The following CTNNA3 variants were observed in gnomAD, a reference collection of about 807,000 sequenced individuals.
The protein encoded by CTNNA3 is catenin alpha-3.
CTNNA3 carries 76 observed loss-of-function variants against 95.7 expected under a neutral mutation model. The ratio of observed to expected loss-of-function variants is 0.79; its 90% CI spans 0.66 to 0.96. CTNNA3 has a LOEUF of 0.96. Among genes scored for constraint, CTNNA3 ranks in the 40% least tolerant of loss-of-function variants. The probability of loss-of-function intolerance (pLI) is 0.00; values close to 1 mark genes in which losing one functional copy is unlikely to be tolerated. For synonymous variants in CTNNA3, 431 were observed against 374.4 expected, an observed-to-expected ratio of 1.15 and a Z score of -1.74; for missense variants, 1,191 against 1,089.8, an observed-to-expected ratio of 1.09 and a Z score of -1.31.
intron 11 of CTNNA3, among the ~76,000 whole-genome samples, chr10:66,403,745 G>T (rs941948316): frequency 6.6e-6 from 1 of 152,166 alleles, no homozygotes; most frequent in African/African-American, 2.4e-5. Context: ...TTAATAAACT[G>T]CCCTTGCAAA....
chr10:67,215,039 T>C (rs1293022714), intron 6 of CTNNA3, among the ~76,000 whole-genome samples: 7 of 151,994 alleles, frequency 4.6e-5, no homozygotes, highest in Non-Finnish European at 8.8e-5. Flanking sequence ...GAATTGTATA[T>C]TATAATATTT....
chr10:66,917,298 G>C (rs1326725959), intron 7 of CTNNA3, among the ~76,000 whole-genome samples: 1 of 152,206 alleles, frequency 6.6e-6, no homozygotes. Flanking sequence ...GGGCTCTGCT[G>C]TTAGTTGCAA....
chr10:66,015,120 T>TAATAA (rs991940248), intron 15 of CTNNA3, among the ~76,000 whole-genome samples: 3 of 151,356 alleles, frequency 2.0e-5, no homozygotes, highest in Middle Eastern at 3.4e-3. Context: ...ATAATAATAA[T>TAATAA]AATAAAATAA....
intron 9 of CTNNA3, among the ~76,000 whole-genome samples, chr10:66,719,778 T>C (rs10997356): frequency 0.024 from 3,638 of 152,178 alleles, 183 homozygotes; most frequent in East Asian, 0.22. Flanking sequence ...TCTTCTTGAG[T>C]TGGCAGAGAG....
chr10:66,912,553 A>G (rs1846266520), intron 7 of CTNNA3, among the ~76,000 whole-genome samples: 1 of 152,192 alleles, frequency 6.6e-6, no homozygotes, highest in South Asian at 2.1e-4. Context: ...AATAAATACA[A>G]AGTATAAGAT....
At chr10:66,884,434 C>G (rs1844964253) in intron 7 of CTNNA3, among the ~76,000 whole-genome samples, 1 of 152,118 alleles carries the variant, frequency 6.6e-6, no homozygotes, top group Admixed American at 6.6e-5. Flanking sequence ...GTATCACTCA[C>G]TCTGGGAAAA....
At chr10:66,433,093 G>C (rs1441572875) in intron 11 of CTNNA3, among the ~76,000 whole-genome samples, 2 of 152,128 alleles carry the variant, frequency 1.3e-5, no homozygotes, top group Non-Finnish European at 2.9e-5. Flanking sequence ...ATTGTGAATA[G>C]TACTGCAATA....
At chr10:66,574,362 C>G (rs1276140291) in intron 10 of CTNNA3, among the ~76,000 whole-genome samples, 1 of 151,788 alleles carries the variant, frequency 6.6e-6, no homozygotes, top group Admixed American at 6.6e-5. Context: ...GAAAGGTGAG[C>G]AAAGGTTCTA....
intron 5 of CTNNA3, among the ~76,000 whole-genome samples, chr10:67,382,648 G>A (rs4633336): frequency 0.89 from 135,111 of 152,110 alleles, 61,121 homozygotes; most frequent in East Asian, 1. Flanking sequence ...TCCCTGTGTT[G>A]GTCCATTTGC....
intron 5 of CTNNA3, among the ~76,000 whole-genome samples, chr10:67,281,268 A>C (rs1273130386): frequency 6.6e-6 from 1 of 152,232 alleles, no homozygotes; most frequent in Non-Finnish European, 1.5e-5. Flanking sequence ...TTTTCTAACA[A>C]AAATGTTCAC....
intron 1 of CTNNA3, among the ~76,000 whole-genome samples, chr10:67,662,252 G>T (rs1040623724): frequency 6.6e-6 from 1 of 152,120 alleles, no homozygotes; most frequent in African/African-American, 2.4e-5. Context: ...ATTAGGCACA[G>T]TAAGAGATTA....
chr10:66,623,076 A>G (rs1056453561), intron 9 of CTNNA3, among the ~76,000 whole-genome samples: 4 of 152,046 alleles, frequency 2.6e-5, no homozygotes, highest in African/African-American at 9.7e-5. Context: ...TCTGACACAT[A>G]ATTAGCACAT....
chr10:67,097,777 A>G (rs1284677852), intron 7 of CTNNA3: 1 of 1,612,240 alleles, frequency 6.2e-7, no homozygotes, highest in African/African-American at 1.3e-5. Flanking sequence ...ATCAGTGACC[A>G]TAAACAGCAG....
At chr10:67,269,378 T>C (rs1429610795) in intron 5 of CTNNA3, among the ~76,000 whole-genome samples, 1 of 152,158 alleles carries the variant, frequency 6.6e-6, no homozygotes, top group Non-Finnish European at 1.5e-5. Flanking sequence ...TCTGAATAAA[T>C]AGCTAGACAT....
At chr10:66,808,869 A>C (rs1841763798) in intron 7 of CTNNA3, among the ~76,000 whole-genome samples, 1 of 152,228 alleles carries the variant, frequency 6.6e-6, no homozygotes, top group Admixed American at 6.5e-5. Context: ...AAAATTATGA[A>C]AAAATCCAAT....
At chr10:66,905,826 TG>T (rs1249919454) in intron 7 of CTNNA3, among the ~76,000 whole-genome samples, 1 of 152,096 alleles carries the variant, frequency 6.6e-6, no homozygotes, top group Non-Finnish European at 1.5e-5. Flanking sequence ...TGCCAGGCAT[TG>T]GGTGAGGAGG....
chr10:67,317,566 C>T (rs1273435933), intron 5 of CTNNA3, among the ~76,000 whole-genome samples: 1 of 152,068 alleles, frequency 6.6e-6, no homozygotes, highest in Non-Finnish European at 1.5e-5. Context: ...GCTGGGACTA[C>T]AGGCACCCAT....
intron 9 of CTNNA3, among the ~76,000 whole-genome samples, chr10:66,684,255 C>T (rs7475217): frequency 0.37 from 56,772 of 151,560 alleles, 10,999 homozygotes; most frequent in Non-Finnish European, 0.41. Context: ...GATACTGCTA[C>T]ATATCCTATA....
intron 7 of CTNNA3, among the ~76,000 whole-genome samples, chr10:66,832,211 T>C (rs1432159051): frequency 6.6e-6 from 1 of 152,224 alleles, no homozygotes; most frequent in East Asian, 1.9e-4. Flanking sequence ...ATAGTTTTGA[T>C]GATAAATTGT....
Sources: gnomAD v4.1 joint callset for allele counts (sites outside exome capture counted in the v4.1 genomes callset) on GRCh38, gnomAD v4.1.1 for gene constraint, MANE v1.5 for transcripts, NCBI Gene and HGNC (gene_info 2026-07-23, HGNC 2026-07-21) for gene names.